The following WDR70 variants were observed in gnomAD, a reference collection of about 807,000 sequenced individuals.
WDR70 encodes WD repeat-containing protein 70.
WDR70 carries 53 observed loss-of-function variants against 88.6 expected under a neutral mutation model. That is an observed-to-expected ratio of 0.60 (90% CI 0.48 to 0.75). The LOEUF is 0.75. Ranked by LOEUF, WDR70 falls within the 30% of genes least tolerant of loss-of-function variation. The pLI, the probability that WDR70 is intolerant of heterozygous loss-of-function variation, is 0.00. For synonymous variants in WDR70, 280 were observed against 270.0 expected (o/e 1.04, Z -0.36); for missense variants, 610 against 823.2 (o/e 0.74, Z 3.17).
intron 10 of WDR70, chr5:37,619,946 A>G (rs1744459998): frequency 7.4e-6 from 1 of 135,328 alleles, no homozygotes. Flanking sequence ...TTTAGCACAG[A>G]TTCAAACCGG....
At chr5:37,722,747 T>G (rs1432141968) in intron 14 of WDR70, 108 bp from the exon 15 acceptor site, 2 of 940,352 alleles carry the variant, frequency 2.1e-6, no homozygotes, top group Non-Finnish European at 1.7e-6. Context: ...CTTGTGTAGA[T>G]GGAGTGCATG....
rs190865799 is a variant in WDR70 at position 37,603,067 on chromosome 5, A to T, written c.918-1997A>T. Among the ~76,000 whole-genome samples, 139 of 152,246 alleles carry T rather than the reference A, an allele frequency of 9.1e-4. 2 individuals carry two copies. Among genetic ancestry groups the T allele is most frequent in the Non-Finnish European group, 1.7e-3 (116 of 68,014 alleles). On this transcript the variant is annotated intron_variant, in intron 9 of 17. Coordinates refer to ENST00000265107, the MANE Select transcript of WDR70 (RefSeq NM_018034.4). ...AAATTAATGTTGCTGACATGTCTAAACCATCCAAAGTGATCTACAAATTCA... is the reference window on the plus strand; with the variant it reads ...AAATTAATGTTGCTGACATGTCTAATCCATCCAAAGTGATCTACAAATTCA...
chr5:37,716,843 A>G (rs1747667496), intron 13 of WDR70, among the ~76,000 whole-genome samples: 1 of 152,038 alleles, frequency 6.6e-6, no homozygotes, highest in Non-Finnish European at 1.5e-5. Context: ...TTATTTGGAA[A>G]TTTTTGTGGT....
chr5:37,654,252 T>C (rs569983433), intron 10 of WDR70, among the ~76,000 whole-genome samples: 1 of 152,288 alleles, frequency 6.6e-6, no homozygotes, highest in East Asian at 1.9e-4. Context: ...AGTTGCATGG[T>C]TTTGAGTGAT....
intron 10 of WDR70, among the ~76,000 whole-genome samples, chr5:37,618,814 TG>T (rs1744421184): frequency 6.6e-6 from 1 of 152,168 alleles, no homozygotes; most frequent in African/African-American, 2.4e-5. Flanking sequence ...AGAATCATTC[TG>T]GCTGTTCTGC....
chr5:37,633,336 A>C (rs1193295123), intron 10 of WDR70, among the ~76,000 whole-genome samples: 1 of 152,120 alleles, frequency 6.6e-6, no homozygotes, highest in African/African-American at 2.4e-5. Context: ...TGTCAAGCCC[A>C]TGTACATTGA....
At chr5:37,381,449 G>A (rs1748421114) in intron 2 of WDR70, among the ~76,000 whole-genome samples, 153 bp from the exon 3 acceptor site, 5 of 152,156 alleles carry the variant, frequency 3.3e-5, no homozygotes, top group Admixed American at 2.6e-4. Context: ...AGTTTTCTGT[G>A]ACTCAAACTC....
Position 37,722,910 on chromosome 5 carries a change from C to CT in WDR70, c.1574dup (p.Thr526AsnfsTer16). The CT allele has an allele frequency of 6.2e-7, 1 of 1,613,622 alleles. No individual in the cohort carries two copies. The highest frequency in any genetic ancestry group is 1.3e-5 in the African/African-American group (1 of 74,998). ...GCGGAAGGCAAAACAAGCTGAGACTCTAACTCAGGACTACATCATCACCCG... is the reference window on the plus strand; with the variant it reads ...GCGGAAGGCAAAACAAGCTGAGACTCTTAACTCAGGACTACATCATCACCCG... On this transcript the variant is annotated frameshift_variant, in exon 15 of 18. Transcript: ENST00000265107. LOFTEE classifies it high-confidence loss of function.
intron 10 of WDR70, among the ~76,000 whole-genome samples, chr5:37,668,454 T>G (rs1745927138): frequency 6.6e-6 from 1 of 152,178 alleles, no homozygotes; most frequent in African/African-American, 2.4e-5. Flanking sequence ...ACTTAAAATG[T>G]TTTTTTGCAT....
chr5:37,632,591 TA>T (rs1744846971), intron 10 of WDR70, among the ~76,000 whole-genome samples: 1 of 152,198 alleles, frequency 6.6e-6, no homozygotes, highest in Non-Finnish European at 1.5e-5. Flanking sequence ...AAATTTTTAA[TA>T]GACAAAAGTT....
At chr5:37,679,644 G>C (rs971596243) in intron 10 of WDR70, among the ~76,000 whole-genome samples, 1 of 152,182 alleles carries the variant, frequency 6.6e-6, no homozygotes, top group African/African-American at 2.4e-5. Flanking sequence ...TGCCCCTACT[G>C]GGGGGTGCCT....
chr5:37,517,369 ATT>A (rs34483969), intron 9 of WDR70, among the ~76,000 whole-genome samples: 1 of 147,160 alleles, frequency 6.8e-6, no homozygotes. Context: ...TGGTTATTAA[ATT>A]TTTTTTTTTT....
intron 9 of WDR70, among the ~76,000 whole-genome samples, chr5:37,577,239 AATG>A (rs1272443556): frequency 6.6e-6 from 1 of 152,160 alleles, no homozygotes; most frequent in African/African-American, 2.4e-5. Context: ...TGATGATGAT[AATG>A]ATAAAATAAT....
intron 17 of WDR70, among the ~76,000 whole-genome samples, chr5:37,729,205 C>T (rs940041640): frequency 6.6e-6 from 1 of 152,116 alleles, no homozygotes; most frequent in African/African-American, 2.4e-5. Context: ...ATTCTGGAAT[C>T]GACCACTTCT....
rs957067852 is a variant in WDR70 at position 37,485,994 on chromosome 5, C to T, written c.840+6007C>T. ...CTTCCCAAAGTGCTGGGATTACAGGCGTTAGCCACTGTGCCTGGCCAACAA... is the reference window on the plus strand; with the variant it reads ...CTTCCCAAAGTGCTGGGATTACAGGTGTTAGCCACTGTGCCTGGCCAACAA... On this transcript the variant is annotated intron_variant, in intron 8 of 17. Coordinates refer to ENST00000265107, the MANE Select transcript of WDR70 (RefSeq NM_018034.4). Among the ~76,000 whole-genome samples, 40 of 151,482 alleles carry T rather than the reference C, an allele frequency of 2.6e-4. 1 individual carries two copies. The highest frequency in any genetic ancestry group is 9.2e-4 in the African/African-American group (38 of 41,112).
intron 17 of WDR70, among the ~76,000 whole-genome samples, chr5:37,734,067 A>G (rs767199536): frequency 2.6e-5 from 4 of 151,932 alleles, no homozygotes; most frequent in Non-Finnish European, 5.9e-5. Context: ...AATAATTTTT[A>G]TTCACTTAGC....
chr5:37,710,460 T>C (rs1747477373), intron 13 of WDR70, among the ~76,000 whole-genome samples: 1 of 152,146 alleles, frequency 6.6e-6, no homozygotes, highest in Non-Finnish European at 1.5e-5. Context: ...AAATCAGCGG[T>C]CCCCAACTTT....
chr5:37,463,077 G>T (rs1482324491), intron 7 of WDR70, among the ~76,000 whole-genome samples: 1 of 152,040 alleles, frequency 6.6e-6, no homozygotes, highest in Non-Finnish European at 1.5e-5. Context: ...TTTGAGACCA[G>T]CCTGACCAAC....
intron 9 of WDR70, among the ~76,000 whole-genome samples, chr5:37,547,750 A>G (rs534764567): frequency 1.3e-5 from 2 of 152,004 alleles, no homozygotes; most frequent in South Asian, 2.1e-4. Context: ...TATTCATTCA[A>G]TTTTTTTGGT....
Sources: gnomAD v4.1 joint callset for allele counts (sites outside exome capture counted in the v4.1 genomes callset) on GRCh38, gnomAD v4.1.1 for gene constraint, MANE v1.5 for transcripts, NCBI Gene and HGNC (gene_info 2026-07-23, HGNC 2026-07-21) for gene names.